The following PRRC2B variants were observed in gnomAD, a reference collection of about 807,000 sequenced individuals.
The protein encoded by PRRC2B is protein PRRC2B.
Under a neutral mutation model 242.3 loss-of-function variants are expected in PRRC2B, and 68 were observed. That is an observed-to-expected ratio of 0.28 (90% confidence interval 0.23 to 0.34). The LOEUF (loss-of-function observed/expected upper bound fraction) is 0.34, where lower values mean the gene tolerates loss of function less well. Among genes scored for constraint, PRRC2B ranks in the 10% least tolerant of loss-of-function variants. The pLI, the probability that PRRC2B is intolerant of heterozygous loss-of-function variation, is 1.00. For missense variants in PRRC2B, 2,835 were observed against 2,954.8 expected (o/e 0.96, Z 0.94); for synonymous variants, 1,228 against 1,173.6 (o/e 1.05, Z -0.95).
chr9:131,459,484 CA>C (rs1157463814), intron 11 of PRRC2B, 128 bp downstream of exon 11: 1 of 869,274 alleles, frequency 1.2e-6, no homozygotes, highest in East Asian at 2.7e-5. Context: ...AATGTTTTTT[CA>C]TAGAGACAGG....
At chr9:131,450,387 C>T (rs188040785) in intron 9 of PRRC2B, among the ~76,000 whole-genome samples, 80 of 151,856 alleles carry the variant, frequency 5.3e-4, no homozygotes, top group African/African-American at 1.8e-3. Context: ...CTTGCCTCAG[C>T]CTCCCGAGTA....
chr9:131,418,714 G>T (rs1837724035), intron 1 of PRRC2B, among the ~76,000 whole-genome samples: 1 of 152,164 alleles, frequency 6.6e-6, no homozygotes, highest in South Asian at 2.1e-4. Context: ...TTCCTCCTCG[G>T]TGTGTGTGTG....
chr9:131,461,983 CA>C (rs1482226136), intron 11 of PRRC2B, among the ~76,000 whole-genome samples: 5 of 152,198 alleles, frequency 3.3e-5, no homozygotes, highest in Admixed American at 1.3e-4. Flanking sequence ...GACACAATGC[CA>C]CTGCTCTTGG....
chr9:131,376,778 G>A (rs1836691033), intron 1 of PRRC2B, among the ~76,000 whole-genome samples: 1 of 152,066 alleles, frequency 6.6e-6, no homozygotes, highest in Non-Finnish European at 1.5e-5. Context: ...AGCCTGACAC[G>A]GGAAGATCAC....
intron 5 of PRRC2B, among the ~76,000 whole-genome samples, chr9:131,440,536 C>T (rs1020122367): frequency 2.0e-5 from 3 of 152,184 alleles, no homozygotes; most frequent in Non-Finnish European, 2.9e-5. Flanking sequence ...AATAATAACA[C>T]ATAATACCCT....
chr9:131,402,403 T>C (rs1564274156), intron 1 of PRRC2B, among the ~76,000 whole-genome samples: 1 of 152,240 alleles, frequency 6.6e-6, no homozygotes, highest in South Asian at 2.1e-4. Context: ...GGTTCATCCA[T>C]GTTGCAGCAT....
chr9:131,454,172 G>T (rs1398383620), intron 9 of PRRC2B, among the ~76,000 whole-genome samples: 1 of 152,214 alleles, frequency 6.6e-6, no homozygotes, highest in Non-Finnish European at 1.5e-5. Flanking sequence ...TGTTTTCACA[G>T]TTAATTATGT....
chr9:131,430,491 A>C (rs1838105224), intron 2 of PRRC2B, among the ~76,000 whole-genome samples: 1 of 121,898 alleles, frequency 8.2e-6, no homozygotes, highest in African/African-American at 2.9e-5. Context: ...GAAGCTGGGG[A>C]GATATATCTA....
At chr9:131,453,314 C>A (rs6597498) in intron 9 of PRRC2B, among the ~76,000 whole-genome samples, 1 of 152,184 alleles carries the variant, frequency 6.6e-6, no homozygotes, top group Non-Finnish European at 1.5e-5. Context: ...GTAGACAGCA[C>A]GTAATTGCAA....
intron 11 of PRRC2B, among the ~76,000 whole-genome samples, chr9:131,461,463 A>C (rs1943239532): frequency 6.6e-6 from 1 of 152,116 alleles, no homozygotes; most frequent in Non-Finnish European, 1.5e-5. Flanking sequence ...ACTGTTGAGG[A>C]GTGGGAGGGC....
In PRRC2B at chr9:131,487,398, GCCAGTGGGGC is replaced by G; in HGVS notation, c.5984+105_5984+114del. The G allele has an allele frequency of 2.6e-6, 2 of 763,324 alleles. No homozygotes were observed. The highest frequency in any genetic ancestry group is 6.9e-5 in the East Asian group (2 of 28,832). 47.3% of individuals were successfully genotyped at this position (763,324 alleles called of 1,614,324 possible). ...CTGTTTGGTGCTTGTCTGCTTTGGG[GCCAGTGGGGC>G]GGGGAGGGGTGGGAGTTTGCTCTGA... On this transcript the variant is annotated intron_variant, in intron 27 of 31. Coordinates refer to ENST00000683519, the MANE Select transcript of PRRC2B (RefSeq NM_013318.4). This position sits in a 1 kb window ranked among gnomAD's most constrained non-coding sequence, Gnocchi z 5.3.
chr9:131,406,148 T>TA (rs1837355912), intron 1 of PRRC2B, among the ~76,000 whole-genome samples: 1 of 152,164 alleles, frequency 6.6e-6, no homozygotes, highest in Non-Finnish European at 1.5e-5. Context: ...GCTTGTTTGT[T>TA]ACCTAGGTGT....
At chr9:131,394,986 C>T (rs1425555095) in intron 1 of PRRC2B, among the ~76,000 whole-genome samples, 8 of 151,094 alleles carry the variant, frequency 5.3e-5, no homozygotes, top group Admixed American at 1.3e-4. Flanking sequence ...TCCTCTTTTG[C>T]CTCCCCTCAA....
At chr9:131,462,488 C>T (rs1452119828) in intron 11 of PRRC2B, among the ~76,000 whole-genome samples, 1 of 151,050 alleles carries the variant, frequency 6.6e-6, no homozygotes, top group Non-Finnish European at 1.5e-5. Flanking sequence ...GCTAGGATTA[C>T]AAGCATGAGC....
At position 131,475,180 on chromosome 9, in the gene PRRC2B, C is replaced by A; in HGVS notation, c.3051C>A (p.Ala1017=). ...GCCATGCCACTTTTGGCCGCGAGGC[C>A]ACCAAATTTGAAGAGGAGGAGAAAC... ...GPGHATFGRE[A]TKFEEEEKPD... Residue 1017 remains alanine, a synonymous_variant, in exon 16 of 32, where the codon GCC becomes GCA. Coordinates refer to ENST00000683519, the MANE Select transcript of PRRC2B (RefSeq NM_013318.4). 1 of 1,613,528 alleles carries A rather than the reference C, an allele frequency of 6.2e-7. No homozygotes were observed. The highest frequency in any genetic ancestry group is 1.7e-5 in the Admixed American group (1 of 59,952).
chr9:131,429,227 G>T (rs1029068352), intron 1 of PRRC2B, among the ~76,000 whole-genome samples: 2 of 152,204 alleles, frequency 1.3e-5, no homozygotes, highest in Non-Finnish European at 1.5e-5. Context: ...GATTACAGGC[G>T]TGAACCACCA....
intron 11 of PRRC2B, among the ~76,000 whole-genome samples, chr9:131,460,502 C>A (rs1300647478): frequency 6.6e-6 from 1 of 152,180 alleles, no homozygotes; most frequent in Non-Finnish European, 1.5e-5. Flanking sequence ...TTCATCCTGT[C>A]CCCCTCTGGC....
At chr9:131,404,798 C>T (rs1837323535) in intron 1 of PRRC2B, among the ~76,000 whole-genome samples, 1 of 152,190 alleles carries the variant, frequency 6.6e-6, no homozygotes, top group Non-Finnish European at 1.5e-5. Flanking sequence ...CTTGATTTAA[C>T]CTCTGTCTCC....
chr9:131,441,830 A>G (rs1040092008), intron 5 of PRRC2B, among the ~76,000 whole-genome samples: 1 of 152,226 alleles, frequency 6.6e-6, no homozygotes, highest in African/African-American at 2.4e-5. Context: ...AGAGGCTCAG[A>G]TACCAGCTGC....
Sources: allele counts gnomAD v4.1 joint callset (sites outside exome capture counted in the v4.1 genomes callset), GRCh38; gene constraint gnomAD v4.1.1; non-coding constraint Gnocchi (gnomAD v3.1); transcripts MANE v1.5; gene names NCBI Gene and HGNC (gene_info 2026-07-23, HGNC 2026-07-21).